The following CENPF variants were observed in gnomAD, a reference collection of about 807,000 sequenced individuals.
CENPF encodes the protein centromere protein F.
A neutral mutation model predicts 307.3 loss-of-function variants in CENPF; 214 were observed. The ratio of observed to expected loss-of-function variants is 0.70; its 90% CI spans 0.62 to 0.78. The LOEUF (loss-of-function observed/expected upper bound fraction) is 0.78, where lower values mean the gene tolerates loss of function less well. Ranked by LOEUF, CENPF falls within the 30% of genes least tolerant of loss-of-function variation. The pLI, the probability that CENPF is intolerant of heterozygous loss-of-function variation, is 0.00. For synonymous variants in CENPF, 1,259 were observed against 1,270.6 expected, an observed-to-expected ratio of 0.99 and a Z score of 0.19; for missense variants, 3,401 against 3,483.9, an observed-to-expected ratio of 0.98 and a Z score of 0.60.
chr1:214,652,260 C>T (rs1238693202), intron 15 of CENPF, among the ~76,000 whole-genome samples: 4 of 151,226 alleles, frequency 2.6e-5, no homozygotes, highest in Non-Finnish European at 4.4e-5. Flanking sequence ...TGGTCTCGAT[C>T]TCCTGATCTT....
At chr1:214,649,131 C>T (rs139141233) in intron 14 of CENPF, among the ~76,000 whole-genome samples, 9 of 152,250 alleles carry the variant, frequency 5.9e-5, no homozygotes, top group South Asian at 4.1e-4. Context: ...GATCTCATGC[C>T]GCTTTCAACA....
chr1:214,630,133 TA>T (rs967196903), intron 8 of CENPF, among the ~76,000 whole-genome samples: 1 of 151,220 alleles, frequency 6.6e-6, no homozygotes, highest in Non-Finnish European at 1.5e-5. Flanking sequence ...TAAGCCCATT[TA>T]AAGTGGTATA....
intron 17 of CENPF, among the ~76,000 whole-genome samples, chr1:214,656,249 T>C (rs540498640): frequency 2.6e-5 from 4 of 152,190 alleles, no homozygotes; most frequent in South Asian, 2.1e-4. Context: ...GGATAGATGA[T>C]GACAAGCATA....
At position 214,657,120 on chromosome 1, in the gene CENPF, G is replaced by C. The variant is rs757357328; in HGVS notation, c.8673G>C (p.Gln2891His). ...LETQVAHLCS[Q>H]QSKQDSRGSP... Reference sequence around the variant, plus strand: ...CACAAGTGGCCCATCTGTGTTCACAGCAATCTAAACAAGATTCCCGAGGGT... The same window carrying C: ...CACAAGTGGCCCATCTGTGTTCACACCAATCTAAACAAGATTCCCGAGGGT... Residue 2891 changes from glutamine (Q) to histidine (H), a missense_variant, in exon 18 of 20, where the codon CAG becomes CAC. Coordinates refer to ENST00000366955, the MANE Select transcript of CENPF (RefSeq NM_016343.4). 2.7e-5 allele frequency: 44 copies of C among 1,614,076 alleles called. No individual in the cohort carries two copies. The highest frequency in any genetic ancestry group is 3.6e-5 in the Non-Finnish European group (42 of 1,180,026).
chr1:214,613,489 GA>G (rs2102529827), intron 1 of CENPF: 3 of 276,546 alleles, frequency 1.1e-5, no homozygotes. Flanking sequence ...CGAGAAATAA[GA>G]AAAACAGAAA....
At chr1:214,611,196 G>GT (rs1312072978) in intron 1 of CENPF, among the ~76,000 whole-genome samples, 1 of 152,240 alleles carries the variant, frequency 6.6e-6, no homozygotes, top group East Asian at 1.9e-4. Context: ...TTTTAAAATA[G>GT]TTTTTTCTAG....
At chr1:214,658,563 CATAGAAG>C (rs1285257347) in intron 18 of CENPF, among the ~76,000 whole-genome samples, 1 of 151,904 alleles carries the variant, frequency 6.6e-6, no homozygotes, top group African/African-American at 2.4e-5. Context: ...AAAACATCTA[CATAGAAG>C]ATAGAAGCAG....
chr1:214,620,148 G>A (rs1224391713), intron 5 of CENPF, among the ~76,000 whole-genome samples: 3 of 152,142 alleles, frequency 2.0e-5, no homozygotes, highest in Admixed American at 6.5e-5. Flanking sequence ...AATGCAAAGC[G>A]GTAGATCATC....
intron 10 of CENPF, among the ~76,000 whole-genome samples, chr1:214,635,733 C>T (rs1027887525): frequency 6.6e-6 from 1 of 152,148 alleles, no homozygotes; most frequent in Non-Finnish European, 1.5e-5. Flanking sequence ...CAAATATTTA[C>T]GGAGCTAATG....
intron 10 of CENPF, among the ~76,000 whole-genome samples, chr1:214,635,805 A>G (rs1276225611): frequency 1.3e-5 from 2 of 152,166 alleles, no homozygotes; most frequent in Non-Finnish European, 2.9e-5. Flanking sequence ...AAATGTCTCC[A>G]GTTATGGACA....
rs772098569 is a variant in CENPF at position 214,641,971 on chromosome 1, G to T, written c.3633G>T (p.Val1211=). ...TAGATAGTTATAATGCGCAGTTGGT[G>T]CAATTAGAAGCTATGCTAAGAAATA... The part of the protein sequence containing the change: ...ISLDSYNAQL[V]QLEAMLRNKE... The change falls in exon 12 of 20, where the codon GTG becomes GTT. Residue 1211 remains valine (V), a synonymous_variant. Coordinates refer to ENST00000366955, the MANE Select transcript of CENPF (RefSeq NM_016343.4). 9 of 1,604,600 alleles carry T rather than the reference G, an allele frequency of 5.6e-6. No homozygotes were observed. Among genetic ancestry groups the T allele is most frequent in the Non-Finnish European group, 6.8e-6 (8 of 1,177,548 alleles).
Position 214,646,484 on chromosome 1 carries a change from A to G in CENPF, c.6914A>G (p.Lys2305Arg). The change falls in exon 13 of 20, where the codon AAG becomes AGG. Residue 2305 changes from lysine (K) to arginine (R), a missense_variant. Coordinates refer to ENST00000366955, the MANE Select transcript of CENPF (RefSeq NM_016343.4). ...CATCAGCTGAGAAATAGCATTGAAA[A>G]GCTGAGAGCCCGCCTAGAAGCTGAT... is the stretch of plus-strand genomic sequence containing the variant. Reference protein sequence around the residue: ...EEHQLRNSIEKLRARLEADEK... With the variant: ...EEHQLRNSIERLRARLEADEK... 1 of 1,614,168 alleles carries G rather than the reference A, an allele frequency of 6.2e-7. No individual in the cohort carries two copies. The highest frequency in any genetic ancestry group is 8.5e-7 in the Non-Finnish European group (1 of 1,180,018).
At chr1:214,606,757 C>G (rs1280640288) in intron 1 of CENPF, among the ~76,000 whole-genome samples, 1 of 152,136 alleles carries the variant, frequency 6.6e-6, no homozygotes, top group South Asian at 2.1e-4. Context: ...CAGGGCCACC[C>G]CCACCCCCAG....
chr1:214,651,609 A>G (rs1658461457), intron 14 of CENPF, 101 bp from the exon 15 acceptor site: 14 of 810,372 alleles, frequency 1.7e-5, no homozygotes, highest in Non-Finnish European at 2.5e-5. Context: ...TCTTGCCCAT[A>G]AATATTTTTT....
intron 10 of CENPF, 30 bp from the exon 11 acceptor site, chr1:214,637,836 G>A (rs773513692): frequency 4.4e-6 from 7 of 1,596,382 alleles, no homozygotes; most frequent in Non-Finnish European, 6.0e-6. Flanking sequence ...CATTCGTTTT[G>A]GCTATAACCA....
At chr1:214,633,780 A>G (rs1383764464) in intron 10 of CENPF, among the ~76,000 whole-genome samples, 1 of 152,222 alleles carries the variant, frequency 6.6e-6, no homozygotes, top group African/African-American at 2.4e-5. Context: ...TCATCAGCAA[A>G]CGTTTTCAAA....
rs79167743 is a variant in CENPF at position 214,637,622 on chromosome 1, A to C, written c.1447-244A>C. 3.3e-3 allele frequency among the ~76,000 whole-genome samples: 503 copies of C among 152,296 alleles called. 6 individuals carry two copies. Among genetic ancestry groups the C allele is most frequent in the African/African-American group, 0.011 (475 of 41,550 alleles). On this transcript the variant is annotated intron_variant, in intron 10 of 19. Transcript: ENST00000366955. ...TTTAATAGGCGTATGAACAATGAGA[A>C]AGTTCAATGAAACTTCTTGAAAGAA...
At chr1:214,628,255 G>A (rs1291993024) in intron 7 of CENPF, among the ~76,000 whole-genome samples, 1 of 152,146 alleles carries the variant, frequency 6.6e-6, no homozygotes, top group East Asian at 1.9e-4. Flanking sequence ...AAAGACTCTT[G>A]TAACCTTCTG....
intron 1 of CENPF, among the ~76,000 whole-genome samples, chr1:214,606,415 ACACTGGGAACTGTGTGC>A (rs1260029765): frequency 6.6e-6 from 1 of 152,108 alleles, no homozygotes; most frequent in Non-Finnish European, 1.5e-5. Context: ...CCCTAGGTGC[ACACTGGGAACTGTGTGC>A]CCCCCACATC....
Sources: gnomAD v4.1 joint callset for allele counts (sites outside exome capture counted in the v4.1 genomes callset) on GRCh38, gnomAD v4.1.1 for gene constraint, MANE v1.5 for transcripts, NCBI Gene and HGNC (gene_info 2026-07-23, HGNC 2026-07-21) for gene names.